The following CPED1 variants were observed in gnomAD, a reference collection of about 807,000 sequenced individuals.
The protein encoded by CPED1 is cadherin-like and PC-esterase domain-containing protein 1.
In CPED1, 114 loss-of-function variants were observed where a neutral mutation model predicts 128.2. The ratio of observed to expected loss-of-function variants is 0.89; its 90% CI spans 0.76 to 1.04. The LOEUF is 1.04. Among genes scored for constraint, CPED1 ranks in the 50% least tolerant of loss-of-function variants. The pLI is 0.00. For synonymous variants in CPED1, 462 were observed against 426.7 expected (o/e 1.08, Z -1.02); for missense variants, 1,211 against 1,207.1 (o/e 1.00, Z -0.05).
intron 6 of CPED1, 61 bp downstream of exon 6, chr7:121,097,892 G>C: frequency 6.4e-7 from 1 of 1,568,718 alleles, no homozygotes; most frequent in Non-Finnish European, 8.7e-7. Context: ...GCTAACAAGA[G>C]AAAAGCACAG....
At chr7:121,119,411 C>G (rs939258320) in intron 7 of CPED1, among the ~76,000 whole-genome samples, 1 of 150,820 alleles carries the variant, frequency 6.6e-6, no homozygotes, top group Non-Finnish European at 1.5e-5. Context: ...GTGATCCACC[C>G]GCTTCGGCCT....
intron 5 of CPED1, among the ~76,000 whole-genome samples, chr7:121,094,840 T>G (rs533974907): frequency 6.6e-6 from 1 of 152,292 alleles, no homozygotes; most frequent in South Asian, 2.1e-4. Context: ...CATGCATCCC[T>G]AACAAATTGT....
chr7:121,120,475 G>A (rs1482473433), intron 7 of CPED1, among the ~76,000 whole-genome samples: 1 of 152,116 alleles, frequency 6.6e-6, no homozygotes, highest in Non-Finnish European at 1.5e-5. Flanking sequence ...TATGACTTAA[G>A]TACCAATATT....
intron 4 of CPED1, among the ~76,000 whole-genome samples, chr7:121,055,315 T>C (rs539447278): frequency 2.0e-4 from 30 of 152,216 alleles, no homozygotes; most frequent in African/African-American, 7.0e-4. Context: ...CCAACGTTTC[T>C]ATAAATGTGG....
chr7:121,205,100 T>G (rs774757801), intron 16 of CPED1, among the ~76,000 whole-genome samples: 7 of 152,128 alleles, frequency 4.6e-5, no homozygotes, highest in Non-Finnish European at 8.8e-5. Context: ...CTAAGAAAAC[T>G]AAATTGTTAA....
At chr7:121,151,424 C>T (rs1039862100) in intron 16 of CPED1, among the ~76,000 whole-genome samples, 1 of 152,126 alleles carries the variant, frequency 6.6e-6, no homozygotes, top group Non-Finnish European at 1.5e-5. Flanking sequence ...TTGCTTTGTT[C>T]CAGCAACTGC....
chr7:121,279,430 A>G (rs798904), intron 22 of CPED1, among the ~76,000 whole-genome samples: 3,066 of 151,784 alleles, frequency 0.02, 122 homozygotes, highest in African/African-American at 0.07. Context: ...AAAGACATAA[A>G]GCTACTCACT....
chr7:121,105,810 C>A (rs1010609670), intron 7 of CPED1, among the ~76,000 whole-genome samples: 4 of 152,104 alleles, frequency 2.6e-5, no homozygotes, highest in African/African-American at 9.7e-5. Context: ...AATTCATTCA[C>A]TCATTCATTC....
intron 16 of CPED1, among the ~76,000 whole-genome samples, chr7:121,226,184 TG>T (rs1798006123): frequency 6.6e-6 from 1 of 152,124 alleles, no homozygotes; most frequent in Non-Finnish European, 1.5e-5. Context: ...TCCTTTTTGT[TG>T]ATGTTGGTGC....
In CPED1 at chr7:121,133,953, A is replaced by C. The variant is rs115960637; in HGVS notation, c.1648+60A>C. On this transcript the variant is annotated intron_variant, in intron 13 of 22. Transcript: ENST00000310396. ...AAAAATAAGTATTTCCTGGCAAAAA[A>C]ATGCAAAACTATTTAGCTTCATTAG... The C allele has an allele frequency of 1.6e-3, 1,588 of 966,406 alleles. 19 individuals are homozygous for C. The African/African-American group carries it at 0.023, about 14-fold the overall frequency. 59.9% of individuals were successfully genotyped at this position (966,406 alleles called of 1,614,324 possible).
intron 3 of CPED1, among the ~76,000 whole-genome samples, chr7:121,036,498 T>TA (rs1792893220): frequency 7.3e-6 from 1 of 136,356 alleles, no homozygotes; most frequent in African/African-American, 3.0e-5. Context: ...TGTATATATA[T>TA]ATATATATAT....
chr7:121,070,205 T>C (rs983758170), intron 5 of CPED1, among the ~76,000 whole-genome samples: 5 of 149,662 alleles, frequency 3.3e-5, no homozygotes, highest in Non-Finnish European at 4.4e-5. Flanking sequence ...ATATTTAATA[T>C]AATTAAAATA....
At chr7:121,189,798 A>ATATATATATATATATAT (rs869279165) in intron 16 of CPED1, among the ~76,000 whole-genome samples, 25 of 50,424 alleles carry the variant, frequency 5.0e-4, no homozygotes, top group East Asian at 1.7e-3. Flanking sequence ...ATATATATAT[A>ATATATATATATATATAT]AAATTTGTAT....
At chr7:121,221,130 C>G (rs537800643) in intron 16 of CPED1, among the ~76,000 whole-genome samples, 27 of 152,166 alleles carry the variant, frequency 1.8e-4, no homozygotes, top group African/African-American at 6.3e-4. Context: ...CCCCACCCGA[C>G]AGGCCCCTGT....
intron 4 of CPED1, among the ~76,000 whole-genome samples, chr7:121,060,568 A>AG (rs772151176): frequency 6.6e-6 from 1 of 152,164 alleles, no homozygotes; most frequent in African/African-American, 2.4e-5. Context: ...GCTATTCTGG[A>AG]GGGGCCTTGG....
chr7:121,047,908 G>A (rs1271728950), intron 4 of CPED1, among the ~76,000 whole-genome samples: 1 of 151,746 alleles, frequency 6.6e-6, no homozygotes, highest in Non-Finnish European at 1.5e-5. Flanking sequence ...GGGTTTCACC[G>A]TGTTAGCCAG....
intron 16 of CPED1, among the ~76,000 whole-genome samples, chr7:121,152,308 A>G (rs1162712587): frequency 6.6e-6 from 1 of 152,162 alleles, no homozygotes; most frequent in Non-Finnish European, 1.5e-5. Context: ...GAAAATAAAT[A>G]TTGCATGTGG....
chr7:121,068,591 A>G (rs1793912940), intron 5 of CPED1, among the ~76,000 whole-genome samples: 1 of 151,486 alleles, frequency 6.6e-6, no homozygotes, highest in Non-Finnish European at 1.5e-5. Context: ...TTGACTTGGC[A>G]ATGTGGGCTC....
chr7:121,108,490 A>G (rs769590853), intron 7 of CPED1, among the ~76,000 whole-genome samples: 10 of 152,160 alleles, frequency 6.6e-5, no homozygotes, highest in Non-Finnish European at 1.3e-4. Flanking sequence ...GCTCAAATTC[A>G]TATCATAAAA....
Sources: gnomAD v4.1 joint callset for allele counts (sites outside exome capture counted in the v4.1 genomes callset) on GRCh38, gnomAD v4.1.1 for gene constraint, MANE v1.5 for transcripts, NCBI Gene and HGNC (gene_info 2026-07-23, HGNC 2026-07-21) for gene names.